NYAP2: variants seen among roughly 807,000 people sequenced by gnomAD.
The protein encoded by NYAP2 is neuronal tyrosine-phosphorylated phosphoinositide-3-kinase adapter 2.
NYAP2 carries 23 observed loss-of-function variants against 50.4 expected under a neutral mutation model. The ratio of observed to expected loss-of-function variants is 0.46; its 90% CI spans 0.33 to 0.65. NYAP2 has a LOEUF of 0.65. Ranked by LOEUF, NYAP2 falls within the 30% of genes least tolerant of loss-of-function variation. NYAP2 has a pLI of 0.02. For synonymous variants in NYAP2, 394 were observed against 365.2 expected (o/e 1.08, Z -0.90); for missense variants, 885 against 861.0 (o/e 1.03, Z -0.35).
At chr2:225,601,313 G>A (rs537364821) in intron 5 of NYAP2, among the ~76,000 whole-genome samples, 3 of 151,870 alleles carry the variant, frequency 2.0e-5, no homozygotes. Context: ...TAGAGACGGG[G>A]TTTCACCATG....
At chr2:225,547,732 C>T (rs961629151) in intron 4 of NYAP2, among the ~76,000 whole-genome samples, 1 of 152,218 alleles carries the variant, frequency 6.6e-6, no homozygotes, top group African/African-American at 2.4e-5. Flanking sequence ...TTCCCACCCT[C>T]TTCAGTGCCT....
At chr2:225,601,490 A>G (rs1270622475) in intron 5 of NYAP2, among the ~76,000 whole-genome samples, 1 of 151,948 alleles carries the variant, frequency 6.6e-6, no homozygotes, top group African/African-American at 2.4e-5. Context: ...GCAGCTGTTT[A>G]TTTTTTTATT....
chr2:225,657,544 C>CAA (rs970075307), downstream of NYAP2, among the ~76,000 whole-genome samples: 1 of 133,826 alleles, frequency 7.5e-6, no homozygotes, highest in African/African-American at 2.9e-5. Context: ...GTCCTAAGGG[C>CAA]AATATGGGAA....
intron 3 of NYAP2, among the ~76,000 whole-genome samples, chr2:225,453,526 C>A (rs1032330079): frequency 2.6e-5 from 4 of 152,054 alleles, no homozygotes; most frequent in Admixed American, 2.6e-4. Flanking sequence ...TAGTTCTAAG[C>A]TTTAGAGATT....
intron 5 of NYAP2, among the ~76,000 whole-genome samples, chr2:225,596,446 G>A (rs1042799322): frequency 6.6e-6 from 1 of 152,130 alleles, no homozygotes; most frequent in Non-Finnish European, 1.5e-5. Context: ...TGCTCAGCAT[G>A]TGTTCAACTA....
Position 225,582,269 on chromosome 2 carries a change from A to G in NYAP2, c.852A>G (p.Lys284=). 6.2e-7 allele frequency: 1 copy of G among 1,614,050 alleles called. No individual in the cohort carries two copies. The highest frequency in any genetic ancestry group is 8.5e-7 in the Non-Finnish European group (1 of 1,179,900). ...TTGACGACTTGGGCCAAGACGCCAA[A>G]TGTGACTTCGACCATCACAGCTGTT... is the stretch of plus-strand genomic sequence containing the variant. Residue 284 remains lysine (K), a synonymous_variant, in exon 5 of 7, where the codon AAA becomes AAG. Transcript: ENST00000636099. The surrounding 1 kb of genome is among the most constrained non-coding windows in gnomAD (Gnocchi z 7.0).
rs540922138 is a variant in NYAP2, at chr2:225,548,068, T to C, written c.524-33873T>C. 6.6e-5 allele frequency among the ~76,000 whole-genome samples: 10 copies of C among 152,166 alleles called. No individual in the cohort carries two copies. The South Asian group carries it at 1.7e-3, about 25-fold the overall frequency. On this transcript the variant is annotated intron_variant, in intron 4 of 6. Transcript: ENST00000636099. Reference sequence around the variant, plus strand: ...TTAGAGATACATTAGCTAATAATAGTTCATTCTTACAAACTAATTTTTACC... The same window carrying C: ...TTAGAGATACATTAGCTAATAATAGCTCATTCTTACAAACTAATTTTTACC...
chr2:225,489,231 C>A (rs191969867), intron 3 of NYAP2, among the ~76,000 whole-genome samples: 46 of 151,848 alleles, frequency 3.0e-4, no homozygotes, highest in African/African-American at 1.1e-3. Context: ...TGCTTTGTCA[C>A]CCAGGCTGGA....
chr2:225,434,527 T>C (rs560150037), intron 3 of NYAP2, among the ~76,000 whole-genome samples: 1 of 152,350 alleles, frequency 6.6e-6, no homozygotes, highest in South Asian at 2.1e-4. Context: ...ATTCAACTGA[T>C]ACTGATCGAT....
At chr2:225,665,877 G>A in the NYAP2 span, among the ~76,000 whole-genome samples, 14 of 128,726 alleles carry the variant, frequency 1.1e-4, no homozygotes, top group African/African-American at 2.1e-4. Flanking sequence ...TGAGGCAAAC[G>A]AGGTGGCCTA....
intron 3 of NYAP2, among the ~76,000 whole-genome samples, chr2:225,507,933 T>C (rs1690738454): frequency 6.6e-6 from 1 of 152,212 alleles, no homozygotes; most frequent in Non-Finnish European, 1.5e-5. Flanking sequence ...AGTCTATAAC[T>C]CCATGATTCC....
intron 4 of NYAP2, among the ~76,000 whole-genome samples, chr2:225,527,758 C>T (rs1174976331): frequency 6.6e-6 from 1 of 152,060 alleles, no homozygotes; most frequent in Non-Finnish European, 1.5e-5. Flanking sequence ...AGCAATCGTC[C>T]CACCTCAGCC....
chr2:225,443,625 AG>A lies in NYAP2; in HGVS notation c.221+34526del, dbSNP rs537434692. On this transcript the variant is annotated intron_variant, in intron 3 of 6. Transcript: ENST00000636099. ...CTAAAATAAAAAAAAAGAAAAGAAA[AG>A]GAAATATCATACATCTAAATTAAAA... Among the ~76,000 whole-genome samples, 6 of 152,324 alleles carry A rather than the reference AG, an allele frequency of 3.9e-5. No homozygotes were observed. In the South Asian group the frequency reaches 1.0e-3, roughly 26 times the overall value.
chr2:225,659,408 C>T, the NYAP2 span, among the ~76,000 whole-genome samples: 1,722 of 152,268 alleles, frequency 0.011, 18 homozygotes, highest in Non-Finnish European at 0.018. Context: ...GGACTGGGCT[C>T]GGAGCATGCC....
chr2:225,521,602 C>T (rs1691060607), intron 4 of NYAP2, among the ~76,000 whole-genome samples: 1 of 151,806 alleles, frequency 6.6e-6, no homozygotes, highest in African/African-American at 2.4e-5. Context: ...ATTGAACCAG[C>T]CTTGCATCCC....
chr2:225,620,364 TACAC>T (rs1248822030), intron 5 of NYAP2, among the ~76,000 whole-genome samples: 3 of 151,946 alleles, frequency 2.0e-5, no homozygotes, highest in South Asian at 2.1e-4. Flanking sequence ...CTTGAATACA[TACAC>T]ACACACAGGC....
chr2:225,498,827 T>G (rs1434722293), intron 3 of NYAP2, among the ~76,000 whole-genome samples: 1 of 152,192 alleles, frequency 6.6e-6, no homozygotes, highest in African/African-American at 2.4e-5. Flanking sequence ...GAGAGAATGA[T>G]GCTTTGAAGA....
rs1001343189 is a variant in NYAP2 at position 225,603,663 on chromosome 2, AT to A, written c.1618+20635del. The stretch of plus-strand genomic sequence containing the variant: ...GGTTCTCCTGGCCCATGTCTCAATG[AT>A]TTTTTTGGGTTCTGAACCTCACAAA... On this transcript the variant is annotated intron_variant, in intron 5 of 6. Transcript: ENST00000636099. Among the ~76,000 whole-genome samples, 8 of 152,066 alleles carry A rather than the reference AT, an allele frequency of 5.3e-5. No individual in the cohort carries two copies. In the East Asian group the frequency reaches 1.2e-3, roughly 22 times the overall value.
At chr2:225,635,498 G>A (rs761002828) in intron 6 of NYAP2, among the ~76,000 whole-genome samples, 18 of 152,096 alleles carry the variant, frequency 1.2e-4, no homozygotes, top group Non-Finnish European at 2.1e-4. Context: ...CGTTTATTCC[G>A]TTCCCATTCA....
Sources: allele counts gnomAD v4.1 joint callset (sites outside exome capture counted in the v4.1 genomes callset), GRCh38; gene constraint gnomAD v4.1.1; non-coding constraint Gnocchi (gnomAD v3.1); transcripts MANE v1.5; gene names NCBI Gene and HGNC (gene_info 2026-07-23, HGNC 2026-07-21).